The following GCN1 variants were observed in gnomAD, a reference collection of about 807,000 sequenced individuals.
GCN1 encodes the protein stalled ribosome sensor GCN1.
Under a neutral mutation model 288.4 loss-of-function variants are expected in GCN1, and 90 were observed. The ratio of observed to expected loss-of-function variants is 0.31; its 90% CI spans 0.26 to 0.37. GCN1 has a LOEUF of 0.37. Among genes scored for constraint, GCN1 ranks in the 10% least tolerant of loss-of-function variants. GCN1 has a pLI of 1.00. For synonymous variants in GCN1, 1,386 were observed against 1,420.2 expected (o/e 0.98, Z 0.54); for missense variants, 2,586 against 3,419.9 (o/e 0.76, Z 6.08).
rs1315798531 is a variant in GCN1 at position 120,155,637 on chromosome 12, A to G, written c.3395T>C (p.Val1132Ala). Residue 1132 changes from valine to alanine, a missense_variant, in exon 29 of 58, where the codon GTG (valine) becomes GCG (alanine). Val to Ala is a moderately conservative substitution (Grantham distance 64, BLOSUM62 0). Transcript: ENST00000300648. This position sits in a 1 kb window ranked among gnomAD's most constrained non-coding sequence, Gnocchi z 4.9. Reference sequence around the variant, plus strand: ...CTCCTCCTCCTTGTCAAACTTGACCACCCAGAGTCTCCGCAGAAGGTTCAG... The same window carrying G: ...CTCCTCCTCCTTGTCAAACTTGACCGCCCAGAGTCTCCGCAGAAGGTTCAG... ...NGLNLLRRLW[V>A]VKFDKEEEIR... 1.9e-6 allele frequency: 3 copies of G among 1,613,960 alleles called. No individual in the cohort carries two copies. Among genetic ancestry groups the G allele is most frequent in the Non-Finnish European group, 2.5e-6 (3 of 1,179,994 alleles).
Position 120,176,296 on chromosome 12 carries a change from C to A in GCN1, c.839-79G>T, listed in dbSNP as rs1878480118. 5.7e-6 allele frequency: 5 copies of A among 875,508 alleles called. No individual in the cohort carries two copies. The Admixed American group carries it at 7.0e-5, about 12-fold the overall frequency. The allele number at this position is 875,508 out of a possible 1,614,324, so 54.2% of individuals were successfully genotyped here. A position where few individuals can be genotyped will look rare whatever the true frequency, so the allele number is the denominator to read the frequency against. On this transcript the variant is annotated intron_variant, in intron 9 of 57. Transcript: ENST00000300648. ...ATAATTTTGTTCCCCTACTCCCCAG[C>A]AAATGCCACTAGGCCTGCTGTCTGG... is the stretch of plus-strand genomic sequence containing the variant.
intron 13 of GCN1, 79 bp downstream of exon 13, chr12:120,173,992 G>A: frequency 9.4e-7 from 1 of 1,060,510 alleles, no homozygotes; most frequent in Non-Finnish European, 1.4e-6. Flanking sequence ...AGAGGTTTAT[G>A]GAAGGAAAGC....
At chr12:120,180,177 A>G (rs558235029) in intron 5 of GCN1, among the ~76,000 whole-genome samples, 45 of 152,018 alleles carry the variant, frequency 3.0e-4, no homozygotes, top group Admixed American at 5.2e-4. Flanking sequence ...GTGGTGGCGC[A>G]TGCCTGTAAC....
intron 2 of GCN1, among the ~76,000 whole-genome samples, chr12:120,185,780 T>C (rs1837726200): frequency 6.6e-6 from 1 of 152,130 alleles, no homozygotes; most frequent in Admixed American, 6.5e-5. Flanking sequence ...TTTGTATTTT[T>C]AGTAGAGACA....
Position 120,153,136 on chromosome 12 carries a change from T to C in GCN1, c.4062+77A>G. On this transcript the variant is annotated intron_variant, in intron 33 of 57. Coordinates refer to ENST00000300648, the MANE Select transcript of GCN1 (RefSeq NM_006836.2). The surrounding 1 kb of genome is among the most constrained non-coding windows in gnomAD (Gnocchi z 4.4). ...GGCCCTGATTGTCCAACTCCACCCC[T>C]AGTATCCCACCGCCTAACCACAGCC... is the stretch of plus-strand genomic sequence containing the variant. 4 of 1,258,290 alleles carry C rather than the reference T, an allele frequency of 3.2e-6. No homozygotes were observed. Among genetic ancestry groups the C allele is most frequent in the Non-Finnish European group, 4.5e-6 (4 of 880,930 alleles). The allele number at this position is 1,258,290 out of a possible 1,614,324, so 77.9% of individuals were successfully genotyped here. A position where few individuals can be genotyped will look rare whatever the true frequency, so the allele number is the denominator to read the frequency against.
At chr12:120,152,665 T>C (rs973853307) in intron 33 of GCN1, among the ~76,000 whole-genome samples, 7 of 138,916 alleles carry the variant, frequency 5.0e-5, no homozygotes, top group Admixed American at 3.7e-4. Context: ...ACACAAAATA[T>C]ATATATATAA....
chr12:120,137,139 G>C lies in GCN1; in HGVS notation c.6777+67C>G, dbSNP rs1366336892. On this transcript the variant is annotated intron_variant, in intron 50 of 57. Coordinates refer to ENST00000300648, the MANE Select transcript of GCN1 (RefSeq NM_006836.2). This position sits in a 1 kb window ranked among gnomAD's most constrained non-coding sequence, Gnocchi z 5.2. Reference sequence around the variant, plus strand: ...CAGCCCCTACCGCAGACCTGGGACAGGGGTAAGGGCCAGAAGGGCACAACA... The same window carrying C: ...CAGCCCCTACCGCAGACCTGGGACACGGGTAAGGGCCAGAAGGGCACAACA... The C allele has an allele frequency of 8.6e-7, 1 of 1,163,184 alleles. No homozygotes were observed. Among genetic ancestry groups the C allele is most frequent in the Non-Finnish European group, 1.3e-6 (1 of 772,556 alleles). 72.1% of individuals were successfully genotyped at this position (1,163,184 alleles called of 1,614,324 possible). A position where few individuals can be genotyped will look rare whatever the true frequency, so the allele number is the denominator to read the frequency against.
intron 35 of GCN1, 27 bp from the exon 36 acceptor site, chr12:120,149,747 G>A: frequency 6.3e-7 from 1 of 1,590,308 alleles, no homozygotes; most frequent in Non-Finnish European, 8.6e-7. Context: ...ACACATTCAG[G>A]GGCCTCCTCA....
chr12:120,192,168 T>C (rs1353017113), intron 1 of GCN1, among the ~76,000 whole-genome samples: 2 of 152,164 alleles, frequency 1.3e-5, no homozygotes, highest in Admixed American at 1.3e-4. Context: ...AACCCAAACT[T>C]TTTGCCATTT....
chr12:120,152,833 T>G (rs1189628806), intron 33 of GCN1, among the ~76,000 whole-genome samples: 2 of 152,064 alleles, frequency 1.3e-5, no homozygotes, highest in African/African-American at 2.4e-5. Flanking sequence ...AGAGAAAGCC[T>G]GACCTTTTAT....
At position 120,131,945 on chromosome 12, in the gene GCN1, A is replaced by G. The variant is rs770449715; in HGVS notation, c.7395T>C (p.Val2465=). ...AFLTEEELSA[V]LQQCLLADVS... is the part of the protein sequence containing the mutation. The stretch of plus-strand genomic sequence containing the variant: ...ACTTACCCAGCAAGCACTGCTGTAG[A>G]ACGGCACTAAGCTCCTCTTCAGTCA... The change falls in exon 54 of 58, where the codon GTT becomes GTC. Residue 2465 remains valine (V), a synonymous_variant. Transcript: ENST00000300648. The G allele has an allele frequency of 1.2e-6, 2 of 1,603,522 alleles. No individual in the cohort carries two copies. Among genetic ancestry groups the G allele is most frequent in the Admixed American group, 1.7e-5 (1 of 58,892 alleles).
intron 56 of GCN1, among the ~76,000 whole-genome samples, chr12:120,130,205 G>A (rs916226478): frequency 1.3e-5 from 2 of 152,090 alleles, no homozygotes; most frequent in Non-Finnish European, 2.9e-5. Context: ...CATATCACAC[G>A]GGCCACAGGA....
chr12:120,161,121 G>A (rs1877911840), intron 22 of GCN1, among the ~76,000 whole-genome samples: 1 of 152,202 alleles, frequency 6.6e-6, no homozygotes, highest in South Asian at 2.1e-4. Flanking sequence ...ATCAAGTCAT[G>A]ATTCCCCAGA....
chr12:120,176,365 T>G, intron 9 of GCN1, 148 bp from the exon 10 acceptor site: 1 of 614,282 alleles, frequency 1.6e-6, no homozygotes, highest in Non-Finnish European at 2.9e-6. Context: ...AAAGCTCTGC[T>G]GAAAAGCTGT....
In GCN1 at chr12:120,142,595, T is replaced by C. The variant is rs1877233621; in HGVS notation, c.5741A>G (p.Asn1914Ser). ...SLHVWKIVVS[N>S]TPRTLREILP... ...GATCTCACGCAAGGTGCGGGGGGTA[T>C]TGGAGACAACAATCTTCCAGACATG... Residue 1914 changes from asparagine to serine, a missense_variant, in exon 44 of 58, where the codon AAT (asparagine) becomes AGT (serine). Asn to Ser is a conservative substitution (Grantham distance 46). This residue lies in a region of GCN1 where 437 missense variants were observed against 570.5 expected (regional missense o/e 0.77). Transcript: ENST00000300648. This position sits in a 1 kb window ranked among gnomAD's most constrained non-coding sequence, Gnocchi z 4.9. The C allele has an allele frequency of 2.5e-6, 4 of 1,613,890 alleles. No homozygotes were observed. The highest frequency in any genetic ancestry group is 2.5e-6 in the Non-Finnish European group (3 of 1,180,016).
intron 56 of GCN1, 120 bp downstream of exon 56, chr12:120,130,526 G>C: frequency 5.7e-6 from 4 of 700,020 alleles, no homozygotes; most frequent in African/African-American, 3.5e-5. Context: ...ATCTCCTGGA[G>C]GCCGTCCACG....
chr12:120,169,392 G>A (rs1274777747), intron 15 of GCN1, among the ~76,000 whole-genome samples: 2 of 147,698 alleles, frequency 1.4e-5, no homozygotes, highest in African/African-American at 2.5e-5. Flanking sequence ...TCATTTCGAA[G>A]ATATATTATA....
At chr12:120,140,549 A>G (rs185524518) in intron 45 of GCN1, among the ~76,000 whole-genome samples, 12 of 152,258 alleles carry the variant, frequency 7.9e-5, no homozygotes, top group African/African-American at 2.4e-4. Context: ...GGACTTATAT[A>G]GCATCACAAA....
chr12:120,165,875 T>A (rs1029276876), intron 16 of GCN1, among the ~76,000 whole-genome samples: 5 of 151,776 alleles, frequency 3.3e-5, no homozygotes, highest in African/African-American at 9.7e-5. Flanking sequence ...TACTGCAACC[T>A]CCGCCTCTTG....
Sources: allele counts gnomAD v4.1 joint callset (sites outside exome capture counted in the v4.1 genomes callset), GRCh38; gene constraint gnomAD v4.1.1; regional missense constraint gnomAD v4.1.1; non-coding constraint Gnocchi (gnomAD v3.1); transcripts MANE v1.5; gene names NCBI Gene and HGNC (gene_info 2026-07-23, HGNC 2026-07-21).